MAGI2: variants seen among roughly 807,000 people sequenced by gnomAD.
The protein encoded by MAGI2 is membrane-associated guanylate kinase, WW and PDZ domain-containing protein 2.
In MAGI2, 35 loss-of-function variants were observed where a neutral mutation model predicts 133.3. That is an observed-to-expected ratio of 0.26 (90% CI 0.20 to 0.35). The LOEUF (loss-of-function observed/expected upper bound fraction) is 0.35. Ranked by LOEUF, MAGI2 falls within the 10% of genes least tolerant of loss-of-function variation. MAGI2 has a pLI of 1.00. For missense variants in MAGI2, 1,636 were observed against 1,863.4 expected (o/e 0.88, Z 2.25); for synonymous variants, 729 against 710.6 (o/e 1.03, Z -0.41).
chr7:78,941,728 TCACACACACACA>T lies in MAGI2; in HGVS notation c.418+65350_418+65361del, dbSNP rs3068585. Among the ~76,000 whole-genome samples, 722 of 123,454 alleles carry T rather than the reference TCACACACACACA, an allele frequency of 5.8e-3. 2 individuals are homozygous for T. The highest frequency in any genetic ancestry group is 0.019 in the African/African-American group (644 of 33,948). The allele number at this position is 123,454 out of a possible 152,430, so 81.0% of individuals were successfully genotyped here. ...AAAACAGTTTCCTGAGCCTATTTCA[TCACACACACACA>T]CACACACACACACACACACACACAC... On this transcript the variant is annotated intron_variant, in intron 2 of 21. Transcript: ENST00000354212.
intron 2 of MAGI2, among the ~76,000 whole-genome samples, chr7:78,760,891 C>T (rs1242554488): frequency 6.6e-6 from 1 of 152,164 alleles, no homozygotes; most frequent in Non-Finnish European, 1.5e-5. Context: ...ACGAGATTAC[C>T]TCTCTACTCT....
rs536044255 is a variant in MAGI2 at position 78,715,162 on chromosome 7, T to C, written c.419-87923A>G. 2.6e-5 allele frequency among the ~76,000 whole-genome samples: 4 copies of C among 152,282 alleles called. 1 individual carries two copies. The highest frequency in any genetic ancestry group is 7.2e-5 in the African/African-American group (3 of 41,572). On this transcript the variant is annotated intron_variant, in intron 2 of 21. Coordinates refer to ENST00000354212, the MANE Select transcript of MAGI2 (RefSeq NM_012301.4). ...GGACTAAGGCAAATTAGCTTTATTC[T>C]TTAGAGATTGGGAGAATGTGGGAGG...
chr7:78,994,936 T>C (rs997586833), intron 2 of MAGI2, among the ~76,000 whole-genome samples: 1 of 152,134 alleles, frequency 6.6e-6, no homozygotes, highest in Non-Finnish European at 1.5e-5. Context: ...AACACCTATT[T>C]ATAAAATTTT....
Position 79,287,304 on chromosome 7 carries a change from G to T in MAGI2, c.301+165716C>A, listed in dbSNP as rs528853489. Among the ~76,000 whole-genome samples, 15 of 152,126 alleles carry T rather than the reference G, an allele frequency of 9.9e-5. No homozygotes were observed. In the South Asian group the frequency reaches 3.1e-3, roughly 32 times the overall value. On this transcript the variant is annotated intron_variant, in intron 1 of 21. Transcript: ENST00000354212. ...CATGATAATAAATATGTTTCCCTCC[G>T]CAGGGCTTCTATATCCCTATATTAA... is the stretch of plus-strand genomic sequence containing the variant.
intron 1 of MAGI2, among the ~76,000 whole-genome samples, chr7:79,142,451 A>G (rs1822227825): frequency 6.6e-6 from 1 of 152,150 alleles, no homozygotes; most frequent in Non-Finnish European, 1.5e-5. Flanking sequence ...TCTAAACTGA[A>G]CCTACAACCT....
At chr7:78,222,226 T>C (rs1034695520) in intron 10 of MAGI2, among the ~76,000 whole-genome samples, 2 of 152,172 alleles carry the variant, frequency 1.3e-5, no homozygotes, top group South Asian at 4.1e-4. Context: ...GTAAACCACG[T>C]GTTTTATGGG....
At chr7:78,833,751 T>G (rs1791389496) in intron 2 of MAGI2, among the ~76,000 whole-genome samples, 1 of 152,196 alleles carries the variant, frequency 6.6e-6, no homozygotes, top group Non-Finnish European at 1.5e-5. Context: ...CCCAGGGTTC[T>G]GTAATATCCT....
At chr7:79,045,915 A>G (rs1172204337) in intron 1 of MAGI2, among the ~76,000 whole-genome samples, 1 of 152,218 alleles carries the variant, frequency 6.6e-6, no homozygotes, top group Non-Finnish European at 1.5e-5. Context: ...ATCTATACAT[A>G]TGATAAAATA....
chr7:79,342,231 A>G (rs1840956068), intron 1 of MAGI2, among the ~76,000 whole-genome samples: 1 of 152,232 alleles, frequency 6.6e-6, no homozygotes, highest in Non-Finnish European at 1.5e-5. Context: ...TTAAACCTTG[A>G]CAAAATTGGA....
chr7:79,239,693 C>G (rs891944172), intron 1 of MAGI2, among the ~76,000 whole-genome samples: 1 of 152,132 alleles, frequency 6.6e-6, no homozygotes, highest in Non-Finnish European at 1.5e-5. Context: ...GAATACCAAC[C>G]ACAGACAAGT....
At chr7:78,305,989 G>A (rs552902005) in intron 9 of MAGI2, among the ~76,000 whole-genome samples, 3 of 152,220 alleles carry the variant, frequency 2.0e-5, no homozygotes, top group South Asian at 2.1e-4. Context: ...ACTCACATTT[G>A]TTCAAATTAG....
chr7:78,059,810 A>G (rs145525851), intron 21 of MAGI2, among the ~76,000 whole-genome samples: 11 of 151,352 alleles, frequency 7.3e-5, no homozygotes, highest in Non-Finnish European at 1.5e-5. Context: ...GCATCAAACA[A>G]TGGCTGACAT....
intron 6 of MAGI2, among the ~76,000 whole-genome samples, chr7:78,477,052 T>G (rs1193151486): frequency 6.6e-6 from 1 of 151,934 alleles, no homozygotes; most frequent in African/African-American, 2.4e-5. Flanking sequence ...CTAAAAGCCA[T>G]AGTTAATGTT....
At chr7:79,016,521 C>G (rs558046699) in intron 1 of MAGI2, among the ~76,000 whole-genome samples, 1 of 152,220 alleles carries the variant, frequency 6.6e-6, no homozygotes, top group East Asian at 1.9e-4. Context: ...CCACCTATGC[C>G]CTTCTCCTAC....
chr7:78,566,396 A>T (rs929823990), intron 3 of MAGI2, among the ~76,000 whole-genome samples: 2 of 152,148 alleles, frequency 1.3e-5, no homozygotes, highest in Non-Finnish European at 2.9e-5. Flanking sequence ...TTGGAACAGG[A>T]AGAAGAAAAA....
intron 3 of MAGI2, among the ~76,000 whole-genome samples, chr7:78,571,226 A>T (rs1313448415): frequency 1.3e-5 from 2 of 152,204 alleles, no homozygotes; most frequent in African/African-American, 4.8e-5. Context: ...TACATTTGAG[A>T]AAGAGAGAAT....
At chr7:79,196,166 T>C (rs1828061706) in intron 1 of MAGI2, among the ~76,000 whole-genome samples, 1 of 152,034 alleles carries the variant, frequency 6.6e-6, no homozygotes, top group Non-Finnish European at 1.5e-5. Context: ...ACAATGTATA[T>C]TTTCTTTAAA....
chr7:78,643,019 G>C (rs1354321850), intron 2 of MAGI2, among the ~76,000 whole-genome samples: 1 of 152,150 alleles, frequency 6.6e-6, no homozygotes, highest in East Asian at 1.9e-4. Context: ...TCTCTGCCAG[G>C]AAAGAATAAT....
At chr7:79,323,805 T>C (rs1173573800) in intron 1 of MAGI2, among the ~76,000 whole-genome samples, 1 of 152,104 alleles carries the variant, frequency 6.6e-6, no homozygotes, top group African/African-American at 2.4e-5. Context: ...CAAAGGTGTA[T>C]ATGGGAGCCT....
Sources: allele counts gnomAD v4.1 joint callset (sites outside exome capture counted in the v4.1 genomes callset), GRCh38; gene constraint gnomAD v4.1.1; transcripts MANE v1.5; gene names NCBI Gene and HGNC (gene_info 2026-07-23, HGNC 2026-07-21).